Variants in TMEM67 observed in about 807,000 individuals in gnomAD.
TMEM67 encodes the protein transmembrane protein 67.
In TMEM67, 124 loss-of-function variants were observed where a neutral mutation model predicts 136.6. The ratio of observed to expected loss-of-function variants is 0.91; its 90% confidence interval spans 0.78 to 1.05. TMEM67 has a LOEUF of 1.05. Ranked by LOEUF, TMEM67 falls within the 50% of genes least tolerant of loss-of-function variation. The pLI is 0.00. For missense variants in TMEM67, 1,107 were observed against 1,178.4 expected, an observed-to-expected ratio of 0.94 and a Z score of 0.89; for synonymous variants, 364 against 390.5, an observed-to-expected ratio of 0.93 and a Z score of 0.80.
At chr8:93,797,083 C>A in intron 18 of TMEM67, 51 bp from the exon 19 acceptor site, 1 of 1,077,068 alleles carries the variant, frequency 9.3e-7, no homozygotes, top group Non-Finnish European at 1.4e-6. Flanking sequence ...GTTTTATAAG[C>A]AGACTTAACG....
the TMEM67 span, among the ~76,000 whole-genome samples, chr8:93,832,449 A>G: frequency 6.6e-6 from 1 of 152,156 alleles, no homozygotes; most frequent in Non-Finnish European, 1.5e-5. Context: ...TCCTCTTTCC[A>G]GAATATGCCT....
chr8:93,758,418 C>G, intron 2 of TMEM67, 65 bp from the exon 3 acceptor site: 3 of 1,247,852 alleles, frequency 2.4e-6, no homozygotes, highest in Non-Finnish European at 3.5e-6. Flanking sequence ...GCATTTTGAA[C>G]TTACATGATT....
At chr8:93,819,677 CA>C (rs544071058), downstream of TMEM67, among the ~76,000 whole-genome samples, 3 of 149,994 alleles carry the variant, frequency 2.0e-5, no homozygotes, top group African/African-American at 4.9e-5. Context: ...TTAAGATAAA[CA>C]AAAAAAAACA....
At chr8:93,756,916 A>C (rs1812596475) in intron 2 of TMEM67, 1 of 151,812 alleles carries the variant, frequency 6.6e-6, no homozygotes, top group Non-Finnish European at 1.5e-5. Flanking sequence ...TCTACTAAAA[A>C]TACAAAAATG....
At chr8:93,818,405 T>C (rs1043533238), downstream of TMEM67, among the ~76,000 whole-genome samples, 7 of 152,338 alleles carry the variant, frequency 4.6e-5, no homozygotes, top group East Asian at 3.9e-4. Flanking sequence ...GCCTCTGTTA[T>C]GGGAGATTTG....
intron 13 of TMEM67, 135 bp from the exon 14 acceptor site, chr8:93,787,709 T>C (rs1814173456): frequency 1.4e-6 from 1 of 714,562 alleles, no homozygotes; most frequent in Non-Finnish European, 2.5e-6. Context: ...TGTGTAACCT[T>C]CCTTAGTCCT....
At chr8:93,798,671 C>G (rs905537682) in intron 20 of TMEM67, among the ~76,000 whole-genome samples, 1 of 151,732 alleles carries the variant, frequency 6.6e-6, no homozygotes, top group Admixed American at 6.6e-5. Flanking sequence ...CCTCTTTTTT[C>G]TTCTTTCTTT....
At chr8:93,781,572 G>T (rs1018290355) in intron 9 of TMEM67, 86 bp from the exon 10 acceptor site, 55 of 578,490 alleles carry the variant, frequency 9.5e-5, no homozygotes, top group Non-Finnish European at 1.7e-4. Context: ...CAACAAAAAA[G>T]ATCAGTCAAC....
downstream of TMEM67, among the ~76,000 whole-genome samples, chr8:93,819,582 C>T (rs1305858324): frequency 6.6e-6 from 1 of 151,918 alleles, no homozygotes; most frequent in Non-Finnish European, 1.5e-5. Flanking sequence ...GCTGCAGTAC[C>T]GGGGTGTGAT....
intron 3 of TMEM67, among the ~76,000 whole-genome samples, chr8:93,762,584 A>G (rs1389148232): frequency 6.6e-6 from 1 of 152,064 alleles, no homozygotes; most frequent in Non-Finnish European, 1.5e-5. Context: ...CCAGCTTCTT[A>G]GTAGTTTCAT....
At chr8:93,812,957 A>C (rs1182568851) in intron 26 of TMEM67, among the ~76,000 whole-genome samples, 1 of 151,766 alleles carries the variant, frequency 6.6e-6, no homozygotes, top group African/African-American at 2.4e-5. Context: ...GCTGGTCTTG[A>C]ACCCCTGACC....
At chr8:93,775,117 G>A (rs758835098) in intron 7 of TMEM67, among the ~76,000 whole-genome samples, 10 of 152,170 alleles carry the variant, frequency 6.6e-5, no homozygotes, top group Non-Finnish European at 1.2e-4. Flanking sequence ...GTGATGACGA[G>A]CATTTTTTCA....
At chr8:93,791,184 A>C in intron 14 of TMEM67, 79 bp from the exon 15 acceptor site, 1 of 965,910 alleles carries the variant, frequency 1.0e-6, no homozygotes, top group Admixed American at 2.0e-5. Flanking sequence ...AAACCCAGCT[A>C]CAAATGTATT....
chr8:93,814,483 C>A (rs1412399521), intron 26 of TMEM67, among the ~76,000 whole-genome samples: 1 of 144,068 alleles, frequency 6.9e-6, no homozygotes, highest in Non-Finnish European at 1.5e-5. Flanking sequence ...TTTTTAGTGA[C>A]AGGTTCTTGC....
chr8:93,826,582 T>G, the TMEM67 span, among the ~76,000 whole-genome samples: 3 of 152,294 alleles, frequency 2.0e-5, no homozygotes, highest in African/African-American at 7.2e-5. Context: ...GTTCAAAAGT[T>G]TAGGTTTTAG....
intron 3 of TMEM67, chr8:93,759,854 G>C (rs566858074): frequency 2.9e-6 from 2 of 689,198 alleles, no homozygotes; most frequent in Admixed American, 5.2e-5. Context: ...TCTCCATGTT[G>C]GTCAGGCTGG....
At position 93,816,492 on chromosome 8, in the gene TMEM67, G is replaced by A; in HGVS notation, c.*40G>A. 8.5e-7 allele frequency: 1 copy of A among 1,179,212 alleles called. No individual in the cohort carries two copies. Among genetic ancestry groups the A allele is most frequent in the South Asian group, 1.3e-5 (1 of 75,142 alleles). 73.0% of individuals were successfully genotyped at this position (1,179,212 alleles called of 1,614,324 possible). A position where few individuals can be genotyped will look rare whatever the true frequency, so the allele number is the denominator to read the frequency against. The stretch of plus-strand genomic sequence containing the variant: ...AACTTAAAGACTCAGTATAATCATG[G>A]CCAAAAAAAAGTCATGATATCAGGT... On this transcript the variant is annotated 3_prime_UTR_variant, in exon 28 of 28. Transcript: ENST00000453321.
intron 22 of TMEM67, among the ~76,000 whole-genome samples, chr8:93,804,365 A>T (rs1230999041): frequency 1.6e-5 from 2 of 121,532 alleles, no homozygotes; most frequent in African/African-American, 6.4e-5. Flanking sequence ...CCCAGGCTGG[A>T]CTACAGTCGT....
At chr8:93,802,372 A>C (rs1814905681) in intron 21 of TMEM67, among the ~76,000 whole-genome samples, 1 of 152,100 alleles carries the variant, frequency 6.6e-6, no homozygotes, top group African/African-American at 2.4e-5. Flanking sequence ...GCTGCACTAG[A>C]CTCTTTCAGC....
Sources: gnomAD v4.1 joint callset for allele counts (sites outside exome capture counted in the v4.1 genomes callset) on GRCh38, gnomAD v4.1.1 for gene constraint, MANE v1.5 for transcripts, NCBI Gene and HGNC (gene_info 2026-07-23, HGNC 2026-07-21) for gene names.